Variants in ALX1 observed in about 807,000 individuals in gnomAD.
ALX1 encodes ALX homeobox protein 1.
In ALX1, 19 loss-of-function variants were observed where a neutral mutation model predicts 31.7. That is an observed-to-expected ratio of 0.60 (90% CI 0.42 to 0.88). The LOEUF (loss-of-function observed/expected upper bound fraction) is 0.88. ALX1 is among the 40% of genes least tolerant of loss of function. The pLI is 0.00. For missense variants in ALX1, 415 were observed against 407.8 expected (o/e 1.02, Z -0.15); for synonymous variants, 153 against 148.8 (o/e 1.03, Z -0.20).
chr12:85,301,093 A>G, intron 3 of ALX1, 62 bp from the exon 4 acceptor site: 1 of 1,594,394 alleles, frequency 6.3e-7, no homozygotes, highest in Admixed American at 1.7e-5. Flanking sequence ...ACAACTTAAC[A>G]AAAGTAAGAG....
intron 1 of ALX1, 24 bp from the exon 2 acceptor site, chr12:85,283,548 T>C: frequency 1.2e-6 from 2 of 1,612,782 alleles, no homozygotes; most frequent in Non-Finnish European, 1.7e-6. Context: ...CTGAGAACTG[T>C]TGTTTTTCCT....
In ALX1 at chr12:85,301,226, C is replaced by A; in HGVS notation, c.732C>A (p.Asp244Glu). ...TTACTTCATGCATGTTACCACGTGA[C>A]ACTTCCTCCTGTATGACACCTTATT... is the stretch of plus-strand genomic sequence containing the variant. The part of the protein sequence containing the change: ...SVVTSCMLPR[D>E]TSSCMTPYSH... The change falls in exon 4 of 4, where the codon GAC becomes GAA. Residue 244 changes from aspartate to glutamate, a missense_variant. Asp to Glu is a conservative substitution (Grantham distance 45). Around this residue, in one of 3 missense-constraint regions of ALX1, gnomAD observed 174 missense variants for 177.5 expected, o/e 0.98. Coordinates refer to ENST00000316824, the MANE Select transcript of ALX1 (RefSeq NM_006982.3). 6.2e-7 allele frequency: 1 copy of A among 1,613,974 alleles called. No individual in the cohort carries two copies. The highest frequency in any genetic ancestry group is 2.2e-5 in the East Asian group (1 of 44,866).
chr12:85,299,204 T>C (rs1185535872), intron 3 of ALX1, among the ~76,000 whole-genome samples: 4 of 151,416 alleles, frequency 2.6e-5, no homozygotes, highest in African/African-American at 7.3e-5. Flanking sequence ...GACATGTGAC[T>C]ATGGTTTTTG....
intron 1 of ALX1, among the ~76,000 whole-genome samples, chr12:85,280,749 C>A (rs769566152): frequency 6.6e-6 from 1 of 152,086 alleles, no homozygotes; most frequent in African/African-American, 2.4e-5. Context: ...GGTCTGGTCG[C>A]CTACGGATCC....
intron 1 of ALX1, among the ~76,000 whole-genome samples, chr12:85,280,921 C>A (rs1250200316): frequency 1.4e-5 from 2 of 146,394 alleles, no homozygotes; most frequent in East Asian, 2.0e-4. Context: ...ACTGTCGTCA[C>A]GAGTAGGGAA....
intron 3 of ALX1, among the ~76,000 whole-genome samples, chr12:85,291,165 C>T (rs893805012): frequency 1.5e-4 from 22 of 151,100 alleles, no homozygotes; most frequent in Admixed American, 1.3e-3. Flanking sequence ...TTCCTCTGTT[C>T]AAAAAAATAG....
chr12:85,298,296 G>A (rs749017219), intron 3 of ALX1, among the ~76,000 whole-genome samples: 9 of 151,626 alleles, frequency 5.9e-5, no homozygotes, highest in East Asian at 3.9e-4. Context: ...AAAAGAACAC[G>A]CTGTTTAGTG....
chr12:85,291,247 A>G (rs559127054), intron 3 of ALX1, among the ~76,000 whole-genome samples: 2 of 151,242 alleles, frequency 1.3e-5, no homozygotes, highest in African/African-American at 4.8e-5. Context: ...AAACAAATAT[A>G]TGCCATGCAC....
At chr12:85,282,435 A>G (rs904064691) in intron 1 of ALX1, among the ~76,000 whole-genome samples, 1 of 152,264 alleles carries the variant, frequency 6.6e-6, no homozygotes, top group African/African-American at 2.4e-5. Context: ...ACAGTACTCA[A>G]TTATTAGCTA....
intron 1 of ALX1, 138 bp from the exon 2 acceptor site, chr12:85,283,434 T>G: frequency 1.2e-6 from 1 of 847,142 alleles, no homozygotes; most frequent in Non-Finnish European, 1.9e-6. Flanking sequence ...TATAGAAATG[T>G]GGTAATTGAA....
At chr12:85,288,652 T>C (rs1478927459) in intron 3 of ALX1, among the ~76,000 whole-genome samples, 1 of 151,460 alleles carries the variant, frequency 6.6e-6, no homozygotes, top group East Asian at 1.9e-4. Context: ...ACATATATTA[T>C]CTCATTTAAT....
At chr12:85,280,514 C>T (rs770562894) in intron 1 of ALX1, 27 bp downstream of exon 1, 1 of 1,602,502 alleles carries the variant, frequency 6.2e-7, no homozygotes, top group Admixed American at 1.7e-5. Flanking sequence ...CCAGCCGGAG[C>T]CGCCGCAGCC....
chr12:85,288,838 T>C (rs1253594551), intron 3 of ALX1, among the ~76,000 whole-genome samples: 1 of 151,352 alleles, frequency 6.6e-6, no homozygotes, highest in African/African-American at 2.4e-5. Context: ...CAAAGGAGCA[T>C]AAAGTTTGAG....
intron 3 of ALX1, among the ~76,000 whole-genome samples, chr12:85,297,664 C>A (rs1262323761): frequency 6.6e-6 from 1 of 151,284 alleles, no homozygotes; most frequent in East Asian, 1.9e-4. Flanking sequence ...AGTAGTGTTT[C>A]CTAATTTCAA....
chr12:85,295,603 A>G (rs1268211365), intron 3 of ALX1, among the ~76,000 whole-genome samples: 2 of 151,600 alleles, frequency 1.3e-5, no homozygotes, highest in Non-Finnish European at 3.0e-5. Flanking sequence ...TTGCTATAAC[A>G]TCATCACAAG....
intron 2 of ALX1, among the ~76,000 whole-genome samples, chr12:85,285,849 G>GTA (rs1050650253): frequency 6.6e-6 from 1 of 151,826 alleles, no homozygotes; most frequent in African/African-American, 2.4e-5. Context: ...AAACATCCAA[G>GTA]TATATATATT....
chr12:85,298,865 A>T (rs948556744), intron 3 of ALX1, among the ~76,000 whole-genome samples: 1 of 151,714 alleles, frequency 6.6e-6, no homozygotes, highest in Non-Finnish European at 1.5e-5. Context: ...TTGCTTTTTT[A>T]TGTACTCTAC....
intron 3 of ALX1, among the ~76,000 whole-genome samples, chr12:85,300,086 C>T (rs551294630): frequency 3.3e-5 from 5 of 152,074 alleles, no homozygotes; most frequent in African/African-American, 1.2e-4. Context: ...CCTTCCCCAG[C>T]TCCTGCCATT....
At chr12:85,285,138 C>T (rs1212632377) in intron 2 of ALX1, among the ~76,000 whole-genome samples, 1 of 152,046 alleles carries the variant, frequency 6.6e-6, no homozygotes, top group East Asian at 1.9e-4. Flanking sequence ...ATTAGTTATA[C>T]TTGTAACCAT....
Sources: allele counts gnomAD v4.1 joint callset (sites outside exome capture counted in the v4.1 genomes callset), GRCh38; gene constraint gnomAD v4.1.1; regional missense constraint gnomAD v4.1.1; transcripts MANE v1.5; gene names NCBI Gene and HGNC (gene_info 2026-07-23, HGNC 2026-07-21).